The following ATG5 variants were observed in gnomAD, a reference collection of about 807,000 sequenced individuals.
The protein encoded by ATG5 is autophagy related 5.
A neutral mutation model predicts 36.5 loss-of-function variants in ATG5; 14 were observed. That is an observed-to-expected ratio of 0.38 (90% confidence interval 0.25 to 0.60). The LOEUF (loss-of-function observed/expected upper bound fraction) is 0.60. Among genes scored for constraint, ATG5 ranks in the 20% least tolerant of loss-of-function variants. ATG5 has a pLI of 0.60. For missense variants in ATG5, 195 were observed against 326.7 expected, an observed-to-expected ratio of 0.60 and a Z score of 3.11; for synonymous variants, 95 against 101.5, an observed-to-expected ratio of 0.94 and a Z score of 0.38.
At chr6:106,281,631 T>A (rs1250736940) in intron 4 of ATG5, among the ~76,000 whole-genome samples, 8 of 152,248 alleles carry the variant, frequency 5.3e-5, no homozygotes, top group Non-Finnish European at 8.8e-5. Context: ...AAAAAGCTGC[T>A]ATGAACATTA....
At chr6:106,190,365 T>C (rs1006318578) in intron 7 of ATG5, among the ~76,000 whole-genome samples, 2 of 152,086 alleles carry the variant, frequency 1.3e-5, no homozygotes, top group African/African-American at 4.8e-5. Flanking sequence ...CATTAACCCA[T>C]TCATGAGGGC....
intron 5 of ATG5, among the ~76,000 whole-genome samples, chr6:106,278,947 T>C (rs1346650838): frequency 6.6e-6 from 1 of 152,244 alleles, no homozygotes; most frequent in Non-Finnish European, 1.5e-5. Flanking sequence ...TATGTAATTA[T>C]CTGCGGTTAA....
chr6:106,224,613 T>C (rs1777376182), intron 6 of ATG5, among the ~76,000 whole-genome samples: 1 of 152,162 alleles, frequency 6.6e-6, no homozygotes, highest in South Asian at 2.1e-4. Context: ...CGGTGGCTCA[T>C]GCCTGTAATC....
intron 3 of ATG5, among the ~76,000 whole-genome samples, chr6:106,297,337 T>A (rs1156506686): frequency 6.6e-6 from 1 of 152,098 alleles, no homozygotes; most frequent in Non-Finnish European, 1.5e-5. Context: ...AGGAATTAGA[T>A]CACATAGAAA....
intron 4 of ATG5, among the ~76,000 whole-genome samples, chr6:106,290,737 T>C (rs369959584): frequency 1.3e-5 from 2 of 152,360 alleles, no homozygotes; most frequent in African/African-American, 2.4e-5. Context: ...ACATGCATGA[T>C]CTTGTAACAT....
chr6:106,306,694 T>C (rs969486523), intron 3 of ATG5, among the ~76,000 whole-genome samples: 2 of 152,230 alleles, frequency 1.3e-5, no homozygotes, highest in Non-Finnish European at 2.9e-5. Context: ...TAAATAACTA[T>C]AGCTAGAAAT....
Position 106,310,242 on chromosome 6 carries a change from T to C in ATG5, c.109-1751A>G, listed in dbSNP as rs375092302. Among the ~76,000 whole-genome samples the C allele has an allele frequency of 2.6e-5, 4 of 152,234 alleles. No homozygotes were observed. The East Asian group carries it at 7.7e-4, about 29-fold the overall frequency. On this transcript the variant is annotated intron_variant, in intron 2 of 7. Transcript: ENST00000369076. ...GGTTAAGTGAGGCAGAGCCAACAAC[T>C]GTAATTTTAAAAGAATACTCATTTT...
chr6:106,201,275 A>ATGTGTGTG (rs138478446), intron 7 of ATG5, among the ~76,000 whole-genome samples: 2,403 of 149,304 alleles, frequency 0.016, 23 homozygotes, highest in Middle Eastern at 0.038. Context: ...TCAAGTGTAT[A>ATGTGTGTG]TGTGTGTGTG....
chr6:106,310,884 A>G (rs1431489948), intron 2 of ATG5, among the ~76,000 whole-genome samples: 2 of 152,204 alleles, frequency 1.3e-5, no homozygotes, highest in African/African-American at 4.8e-5. Context: ...AAGATTAACC[A>G]CATTTGGAAA....
At chr6:106,200,948 G>T (rs968695394) in intron 7 of ATG5, among the ~76,000 whole-genome samples, 1 of 152,070 alleles carries the variant, frequency 6.6e-6, no homozygotes, top group Non-Finnish European at 1.5e-5. Flanking sequence ...GATCCCTGAG[G>T]ATACCAAAAT....
intron 6 of ATG5, among the ~76,000 whole-genome samples, chr6:106,220,617 A>G (rs534229963): frequency 6.6e-6 from 1 of 152,320 alleles, no homozygotes; most frequent in African/African-American, 2.4e-5. Flanking sequence ...AGTTATTTTA[A>G]AAGTATGAGT....
chr6:106,235,689 A>T (rs965421730), intron 6 of ATG5, among the ~76,000 whole-genome samples: 31 of 152,226 alleles, frequency 2.0e-4, no homozygotes, highest in African/African-American at 7.2e-4. Context: ...CTGAGAGCAC[A>T]GCGGGAAGGA....
At chr6:106,251,751 A>G (rs1778599373) in intron 5 of ATG5, among the ~76,000 whole-genome samples, 1 of 150,830 alleles carries the variant, frequency 6.6e-6, no homozygotes, top group African/African-American at 2.5e-5. Context: ...AAGAAAAGAA[A>G]GAAAGAAAAA....
intron 5 of ATG5, among the ~76,000 whole-genome samples, chr6:106,274,564 C>A (rs1161934640): frequency 6.6e-6 from 1 of 152,074 alleles, no homozygotes; most frequent in African/African-American, 2.4e-5. Context: ...TTTACAATTG[C>A]ACTAACAGAA....
In ATG5 at chr6:106,274,446, T is replaced by C. The variant is rs1206186707; in HGVS notation, c.478+5215A>G. On this transcript the variant is annotated intron_variant, in intron 5 of 7. Coordinates refer to ENST00000369076, the MANE Select transcript of ATG5 (RefSeq NM_004849.4). Reference sequence around the variant, plus strand: ...GAGTTCTGAGAAATTAAAATTAGCATTTGAAAGTATTCAAAAATTGTTTAA... The same window carrying C: ...GAGTTCTGAGAAATTAAAATTAGCACTTGAAAGTATTCAAAAATTGTTTAA... 2.6e-5 allele frequency among the ~76,000 whole-genome samples: 4 copies of C among 152,308 alleles called. No homozygotes were observed. In the East Asian group the frequency reaches 7.7e-4, roughly 29 times the overall value.
intron 5 of ATG5, among the ~76,000 whole-genome samples, chr6:106,253,790 T>C (rs1403412499): frequency 2.0e-5 from 3 of 152,206 alleles, no homozygotes; most frequent in Non-Finnish European, 2.9e-5. Context: ...ACATTAATGA[T>C]ATGGTTATTT....
At chr6:106,204,701 T>C (rs1776565664) in intron 6 of ATG5, among the ~76,000 whole-genome samples, 2 of 152,210 alleles carry the variant, frequency 1.3e-5, no homozygotes, top group South Asian at 4.1e-4. Context: ...CTCATCTCTC[T>C]TTCCTGCTGG....
At chr6:106,233,123 C>T (rs1022948886) in intron 6 of ATG5, among the ~76,000 whole-genome samples, 1 of 152,194 alleles carries the variant, frequency 6.6e-6, no homozygotes, top group African/African-American at 2.4e-5. Flanking sequence ...AATTTTCTCG[C>T]TACCTGTGGC....
chr6:106,223,996 G>A (rs1012489519), intron 6 of ATG5, among the ~76,000 whole-genome samples: 6 of 152,164 alleles, frequency 3.9e-5, no homozygotes, highest in African/African-American at 1.4e-4. Flanking sequence ...AAGGTAGAAG[G>A]AAATGTTTCA....
Sources: gnomAD v4.1 joint callset for allele counts (sites outside exome capture counted in the v4.1 genomes callset) on GRCh38, gnomAD v4.1.1 for gene constraint, MANE v1.5 for transcripts, NCBI Gene and HGNC (gene_info 2026-07-23, HGNC 2026-07-21) for gene names.